SRGAP3: variants seen among roughly 807,000 people sequenced by gnomAD.
SRGAP3 encodes the protein SLIT-ROBO Rho GTPase activating protein 3, also known as SLIT-ROBO Rho GTPase-activating protein 3.
A neutral mutation model predicts 121.1 loss-of-function variants in SRGAP3; 39 were observed. That is an observed-to-expected ratio of 0.32 (90% confidence interval 0.25 to 0.42). The LOEUF (loss-of-function observed/expected upper bound fraction) is 0.42, where lower values mean the gene tolerates loss of function less well. Ranked by LOEUF, SRGAP3 falls within the 10% of genes least tolerant of loss-of-function variation. The probability of loss-of-function intolerance (pLI) is 1.00; values close to 1 mark genes in which losing one functional copy is unlikely to be tolerated. For synonymous variants in SRGAP3, 601 were observed against 570.0 expected (o/e 1.05, Z -0.77); for missense variants, 1,213 against 1,470.6 (o/e 0.82, Z 2.86).
In SRGAP3 at chr3:8,986,190, G is replaced by A. The variant is rs139435103; in HGVS notation, c.2887-258C>T. ...AGAGGGCAGGCTCTGGAGTCAGACA[G>A]ACACGGATTCAAATCCTGGCTCTGC... is the stretch of plus-strand genomic sequence containing the variant. On this transcript the variant is annotated intron_variant, in intron 21 of 21. Transcript: ENST00000383836. Among the ~76,000 whole-genome samples, 751 of 152,326 alleles carry A rather than the reference G, an allele frequency of 4.9e-3. 6 individuals are homozygous for A. The highest frequency in any genetic ancestry group is 0.021 in the South Asian group (103 of 4,814).
intron 1 of SRGAP3, among the ~76,000 whole-genome samples, chr3:9,225,688 T>G (rs1216994482): frequency 6.6e-6 from 1 of 151,812 alleles, no homozygotes; most frequent in Non-Finnish European, 1.5e-5. Context: ...CACCTTAAGG[T>G]CACAACAGCG....
intron 3 of SRGAP3, chr3:9,081,215 TC>T (rs1345619917): frequency 2.2e-6 from 1 of 456,162 alleles, no homozygotes; most frequent in South Asian, 1.6e-5. Context: ...AGCTCAGCCC[TC>T]CCCAGTGCTG....
At chr3:9,354,732 A>T (rs2030401752) in intron 1 of SRGAP3, among the ~76,000 whole-genome samples, 1 of 151,930 alleles carries the variant, frequency 6.6e-6, no homozygotes. Context: ...ACATTAAGGT[A>T]AAAAAGATAT....
intron 1 of SRGAP3, among the ~76,000 whole-genome samples, chr3:9,163,342 G>A (rs1446150956): frequency 6.6e-6 from 1 of 152,204 alleles, no homozygotes; most frequent in Non-Finnish European, 1.5e-5. Context: ...TTCAACCAGC[G>A]AAGGAAGCAG....
intron 1 of SRGAP3, among the ~76,000 whole-genome samples, chr3:9,190,894 C>G (rs911081372): frequency 3.9e-5 from 6 of 152,120 alleles, no homozygotes; most frequent in Non-Finnish European, 8.8e-5. Context: ...TTGAGCTCAG[C>G]CAGTCACCCC....
rs191219427 is a variant in SRGAP3, at chr3:8,993,498, G to A, written c.2409-443C>T. 4.6e-5 allele frequency among the ~76,000 whole-genome samples: 7 copies of A among 152,308 alleles called. No individual in the cohort carries two copies. In the East Asian group the frequency reaches 1.4e-3, roughly 29 times the overall value. On this transcript the variant is annotated intron_variant, in intron 19 of 21. Transcript: ENST00000383836. ...CCTCTGCCCCTCACCTCCCCACCCA[G>A]GGCTTGGGCTACTGTGAGGTGGCTC...
At chr3:9,165,475 G>A (rs1305432832) in intron 1 of SRGAP3, among the ~76,000 whole-genome samples, 3 of 152,134 alleles carry the variant, frequency 2.0e-5, no homozygotes, top group Non-Finnish European at 2.9e-5. Context: ...CAGACTTTCC[G>A]ATTCCTTTCT....
At chr3:9,332,116 GTTATTA>G (rs145323365) in intron 1 of SRGAP3, among the ~76,000 whole-genome samples, 1 of 150,860 alleles carries the variant, frequency 6.6e-6, no homozygotes, top group Non-Finnish European at 1.5e-5. Context: ...TTTCATTGAG[GTTATTA>G]TTATTATTAT....
At chr3:9,321,015 A>C (rs569738065) in intron 3 of SRGAP3, among the ~76,000 whole-genome samples, 3 of 152,052 alleles carry the variant, frequency 2.0e-5, no homozygotes, top group South Asian at 4.1e-4. Flanking sequence ...TACTTCTAAA[A>C]AATAGAACGT....
chr3:9,056,325 C>T lies in SRGAP3; in HGVS notation c.1033G>A (p.Val345Ile). The T allele has an allele frequency of 6.2e-7, 1 of 1,612,872 alleles. No individual in the cohort carries two copies. Among genetic ancestry groups the T allele is most frequent in the Non-Finnish European group, 8.5e-7 (1 of 1,179,898 alleles). The change falls in exon 8 of 22, where the codon GTC becomes ATC. Residue 345 changes from valine (V) to isoleucine (I), a missense_variant. By Grantham distance (29) the Val-to-Ile change is conservative. This residue lies in a region of SRGAP3 where 793 missense variants were observed against 1,032.9 expected (regional missense o/e 0.77). Transcript: ENST00000383836. Reference protein sequence around the residue: ...QPHMGDEVCQVSAQQPVQTEL... With the variant: ...QPHMGDEVCQISAQQPVQTEL... ...GTCTGGACGGGCTGCTGAGCGCTGA[C>T]CTGGCAGACCTGCAGGAATAACAGC...
chr3:9,038,122 T>C (rs760309896), intron 10 of SRGAP3, 32 bp from the exon 11 acceptor site: 3 of 1,613,850 alleles, frequency 1.9e-6, no homozygotes, highest in African/African-American at 1.3e-5. Flanking sequence ...AATGTTTAAT[T>C]GCCTTTTCTT....
chr3:9,251,517 A>G (rs1363644352), upstream of SRGAP3, among the ~76,000 whole-genome samples: 2 of 152,240 alleles, frequency 1.3e-5, no homozygotes, highest in African/African-American at 2.4e-5. Context: ...TACACCTTGG[A>G]GTACGACAGA....
At chr3:9,309,834 G>A (rs148548880) in intron 3 of SRGAP3, among the ~76,000 whole-genome samples, 2 of 152,146 alleles carry the variant, frequency 1.3e-5, no homozygotes, top group Non-Finnish European at 2.9e-5. Context: ...TCCAGCCTGG[G>A]TGACAGAGTG....
intron 3 of SRGAP3, among the ~76,000 whole-genome samples, chr3:9,287,204 C>G (rs1954792074): frequency 6.6e-6 from 1 of 151,968 alleles, no homozygotes; most frequent in African/African-American, 2.4e-5. Flanking sequence ...GTTGCCCAGG[C>G]TGGTCTTGAA....
chr3:9,018,741 A>C (rs1943765369), intron 14 of SRGAP3, among the ~76,000 whole-genome samples: 1 of 152,202 alleles, frequency 6.6e-6, no homozygotes, highest in African/African-American at 2.4e-5. Context: ...TTTAGGTAGT[A>C]ATTTTTTTTA....
chr3:9,136,395 C>CT lies in SRGAP3; in HGVS notation c.68-11479_68-11478insA, dbSNP rs1491422849. 2.7e-4 allele frequency among the ~76,000 whole-genome samples: 7 copies of CT among 25,680 alleles called. No homozygotes were observed. In the East Asian group the frequency reaches 4.9e-3, roughly 18 times the overall value. 16.8% of individuals were successfully genotyped at this position (25,680 alleles called of 152,430 possible). ...GTTGCCACGGCAACCGTCGCTGGGACCCCCCCCCCCCCCGACCGCCCCGCC... is the reference window on the plus strand; with the variant it reads ...GTTGCCACGGCAACCGTCGCTGGGACTCCCCCCCCCCCCCGACCGCCCCGCC... On this transcript the variant is annotated intron_variant, in intron 1 of 21. Coordinates refer to ENST00000383836, the MANE Select transcript of SRGAP3 (RefSeq NM_014850.4).
chr3:9,284,209 C>A (rs1017155214), intron 3 of SRGAP3, among the ~76,000 whole-genome samples: 2 of 151,776 alleles, frequency 1.3e-5, no homozygotes, highest in African/African-American at 4.8e-5. Context: ...AACCATCCTA[C>A]TTCGGTATGC....
chr3:9,309,124 G>T (rs1955202744), intron 3 of SRGAP3, among the ~76,000 whole-genome samples: 1 of 152,188 alleles, frequency 6.6e-6, no homozygotes, highest in Non-Finnish European at 1.5e-5. Flanking sequence ...CACTTGCTGT[G>T]TAAGACCAGG....
Position 9,064,456 on chromosome 3 carries a change from C to T in SRGAP3, c.612G>A (p.Arg204=), listed in dbSNP as rs1946325583. 3.7e-6 allele frequency: 6 copies of T among 1,614,246 alleles called. No homozygotes were observed. Among genetic ancestry groups the T allele is most frequent in the South Asian group, 1.1e-5 (1 of 91,084 alleles). The change falls in exon 5 of 22, where the codon CGG becomes CGA. Residue 204 remains arginine (R), a synonymous_variant. Coordinates refer to ENST00000383836, the MANE Select transcript of SRGAP3 (RefSeq NM_014850.4). ...TGCGGCGCTGGGGCCGGTCCTCGTG[C>T]CGGAGCAGGTTCATGCTGAGGTCTC... is the stretch of plus-strand genomic sequence containing the variant. ...KSGDLSMNLL[R]HEDRPQRRSS...
Sources: allele counts gnomAD v4.1 joint callset (sites outside exome capture counted in the v4.1 genomes callset), GRCh38; gene constraint gnomAD v4.1.1; regional missense constraint gnomAD v4.1.1; transcripts MANE v1.5; gene names NCBI Gene and HGNC (gene_info 2026-07-23, HGNC 2026-07-21).